Variants in DDAH1 observed in about 807,000 individuals in gnomAD.
DDAH1 encodes the protein dimethylarginine dimethylaminohydrolase 1, also known as N(G),N(G)-dimethylarginine dimethylaminohydrolase 1.
In DDAH1, 19 loss-of-function variants were observed where a neutral mutation model predicts 28.8. The ratio of observed to expected loss-of-function variants is 0.66; its 90% CI spans 0.46 to 0.97. The LOEUF is 0.97. DDAH1 is among the 50% of genes least tolerant of loss of function. The pLI is 0.00. For missense variants in DDAH1, 326 were observed against 375.9 expected (o/e 0.87, Z 1.10); for synonymous variants, 153 against 154.4 (o/e 0.99, Z 0.07).
chr1:85,374,180 G>T (rs552912720), intron 1 of DDAH1, among the ~76,000 whole-genome samples: 1 of 152,196 alleles, frequency 6.6e-6, no homozygotes, highest in Non-Finnish European at 1.5e-5. Flanking sequence ...ATCCACCCCT[G>T]GTTCACCTGT....
At chr1:85,357,271 A>G (rs986035849) in intron 2 of DDAH1, among the ~76,000 whole-genome samples, 3 of 152,160 alleles carry the variant, frequency 2.0e-5, no homozygotes, top group Non-Finnish European at 4.4e-5. Flanking sequence ...GGGCATGCAA[A>G]CCAAACCCCA....
intron 2 of DDAH1, among the ~76,000 whole-genome samples, chr1:85,479,703 G>A (rs1655939472): frequency 6.6e-6 from 1 of 152,206 alleles, no homozygotes; most frequent in Non-Finnish European, 1.5e-5. Context: ...TGGGGTCAAT[G>A]TGAGCATCAT....
At chr1:85,419,503 G>C (rs1404199750) in intron 1 of DDAH1, among the ~76,000 whole-genome samples, 1 of 127,090 alleles carries the variant, frequency 7.9e-6, no homozygotes, top group Non-Finnish European at 1.6e-5. Context: ...TCACACCATT[G>C]CATTCCAGCC....
At chr1:85,453,200 A>G (rs1654742334) in intron 1 of DDAH1, among the ~76,000 whole-genome samples, 1 of 152,114 alleles carries the variant, frequency 6.6e-6, no homozygotes, top group Non-Finnish European at 1.5e-5. Context: ...ACTTAAATCC[A>G]TATTATCCCA....
intron 2 of DDAH1, chr1:85,495,536 T>G (rs1294575699): frequency 6.6e-6 from 1 of 152,202 alleles, no homozygotes; most frequent in Non-Finnish European, 1.5e-5. Flanking sequence ...GTGGTTTTTG[T>G]AGGACAAAGG....
At chr1:85,427,271 TAAAAAAA>T (rs58534051) in intron 1 of DDAH1, among the ~76,000 whole-genome samples, 4 of 142,172 alleles carry the variant, frequency 2.8e-5, no homozygotes, top group Non-Finnish European at 4.6e-5. Context: ...CCAAGTGAGC[TAAAAAAA>T]AAAAAAAAAA....
At chr1:85,377,739 C>T (rs1650752147) in intron 1 of DDAH1, among the ~76,000 whole-genome samples, 1 of 149,216 alleles carries the variant, frequency 6.7e-6, no homozygotes, top group African/African-American at 2.5e-5. Flanking sequence ...AGTAGACACA[C>T]ACACACATTC....
intron 1 of DDAH1, among the ~76,000 whole-genome samples, chr1:85,403,094 T>G (rs149118616): frequency 6.6e-6 from 1 of 152,050 alleles, no homozygotes; most frequent in Non-Finnish European, 1.5e-5. Flanking sequence ...TAGGGACTGC[T>G]AATGTTTGAT....
chr1:85,362,606 T>C (rs1197101226), intron 1 of DDAH1, among the ~76,000 whole-genome samples: 3 of 152,164 alleles, frequency 2.0e-5, no homozygotes, highest in Admixed American at 6.5e-5. Context: ...AAAGTCTTTA[T>C]CACTTATTAG....
intron 1 of DDAH1, among the ~76,000 whole-genome samples, chr1:85,380,823 TTA>T (rs1650943438): frequency 6.6e-6 from 1 of 152,210 alleles, no homozygotes; most frequent in Non-Finnish European, 1.5e-5. Flanking sequence ...TATCTTAGAC[TTA>T]TGTGTGTGTG....
chr1:85,570,887 A>G (rs1659435721), intron 1 of DDAH1, among the ~76,000 whole-genome samples: 2 of 151,988 alleles, frequency 1.3e-5, no homozygotes, highest in Non-Finnish European at 1.5e-5. Flanking sequence ...AAAAAAAAAA[A>G]GAGAGAAAAA....
chr1:85,437,512 A>G (rs1309115798), intron 1 of DDAH1, among the ~76,000 whole-genome samples: 1 of 152,160 alleles, frequency 6.6e-6, no homozygotes, highest in Non-Finnish European at 1.5e-5. Flanking sequence ...CACTTAATGA[A>G]CAGTAAATAT....
intron 1 of DDAH1, among the ~76,000 whole-genome samples, chr1:85,507,569 T>C (rs1362745858): frequency 1.3e-5 from 2 of 148,642 alleles, no homozygotes; most frequent in African/African-American, 4.9e-5. Flanking sequence ...AATTTTCTTA[T>C]ACATAATTGC....
At chr1:85,507,527 T>TAAACAAACAAAC (rs139094334) in intron 1 of DDAH1, among the ~76,000 whole-genome samples, 1,716 of 149,346 alleles carry the variant, frequency 0.011, 39 homozygotes, top group African/African-American at 0.041. Context: ...AATAAATAAA[T>TAAACAAACAAAC]AAACAAACAA....
intron 1 of DDAH1, among the ~76,000 whole-genome samples, chr1:85,497,928 G>A (rs193174308): frequency 7.2e-5 from 11 of 152,184 alleles, no homozygotes; most frequent in African/African-American, 2.2e-4. Flanking sequence ...TTGCTTTCTG[G>A]TGATGGAACT....
chr1:85,473,689 C>T (rs962828544), intron 2 of DDAH1, among the ~76,000 whole-genome samples: 6 of 152,198 alleles, frequency 3.9e-5, no homozygotes, highest in African/African-American at 1.4e-4. Flanking sequence ...TCCTTTGCTT[C>T]AGTGATGCTT....
chr1:85,321,457 A>G lies in DDAH1; in HGVS notation c.853T>C (p.Ser285Pro), dbSNP rs949373142. Residue 285 changes from serine to proline, a missense_variant, in exon 6 of 6, where the codon TCC (serine) becomes CCC (proline). Ser to Pro is a moderately conservative substitution (Grantham distance 74). Coordinates refer to ENST00000284031, the MANE Select transcript of DDAH1 (RefSeq NM_012137.4). ...CSVLINKKVD[S>P] is the part of the protein sequence containing the mutation. ...ACCGGGGGGGACTCTGCAGCTCAGG[A>G]GTCTACTTTCTTGTTAATTAAAACT... The G allele has an allele frequency of 6.2e-7, 1 of 1,610,956 alleles. No homozygotes were observed. Among genetic ancestry groups the G allele is most frequent in the East Asian group, 2.2e-5 (1 of 44,870 alleles).
intron 1 of DDAH1, among the ~76,000 whole-genome samples, chr1:85,406,186 T>A (rs1652395986): frequency 6.6e-6 from 1 of 152,178 alleles, no homozygotes; most frequent in Non-Finnish European, 1.5e-5. Context: ...CCTGTCCAAT[T>A]CCAAAAGCCA....
At chr1:85,426,655 C>A (rs923513870) in intron 1 of DDAH1, among the ~76,000 whole-genome samples, 1 of 152,064 alleles carries the variant, frequency 6.6e-6, no homozygotes, top group South Asian at 2.1e-4. Flanking sequence ...TGCCTGTAAT[C>A]CCAACAGTTT....
Sources: allele counts gnomAD v4.1 joint callset (sites outside exome capture counted in the v4.1 genomes callset), GRCh38; gene constraint gnomAD v4.1.1; transcripts MANE v1.5; gene names NCBI Gene and HGNC (gene_info 2026-07-23, HGNC 2026-07-21).